The following PALM2AKAP2 variants were observed in gnomAD, a reference collection of about 807,000 sequenced individuals.
PALM2AKAP2 encodes the protein PALM2 and AKAP2 fusion.
PALM2AKAP2 carries 37 observed loss-of-function variants against 71.5 expected under a neutral mutation model. The ratio of observed to expected loss-of-function variants is 0.52; its 90% confidence interval spans 0.40 to 0.68. PALM2AKAP2 has a LOEUF of 0.68. PALM2AKAP2 is among the 30% of genes least tolerant of loss of function. The probability of loss-of-function intolerance (pLI) is 0.00; values close to 1 mark genes in which losing one functional copy is unlikely to be tolerated. For synonymous variants in PALM2AKAP2, 468 were observed against 478.8 expected, an observed-to-expected ratio of 0.98 and a Z score of 0.29; for missense variants, 1,224 against 1,191.8, an observed-to-expected ratio of 1.03 and a Z score of -0.40.
chr9:109,865,809 A>G (rs1490952842), intron 1 of PALM2AKAP2, among the ~76,000 whole-genome samples: 3 of 152,112 alleles, frequency 2.0e-5, no homozygotes, highest in Admixed American at 6.6e-5. Context: ...CAGTAAGTCT[A>G]CTCTTGAGAG....
At chr9:109,860,883 G>A (rs1829288823) in intron 1 of PALM2AKAP2, among the ~76,000 whole-genome samples, 1 of 152,104 alleles carries the variant, frequency 6.6e-6, no homozygotes. Flanking sequence ...AAAGGTTTGG[G>A]GCAAGGAAAC....
At chr9:109,917,146 T>A (rs1179822182) in intron 3 of PALM2AKAP2, among the ~76,000 whole-genome samples, 1 of 152,116 alleles carries the variant, frequency 6.6e-6, no homozygotes, top group Non-Finnish European at 1.5e-5. Flanking sequence ...GTCAGAGAGA[T>A]GCAACAGTGC....
chr9:109,803,690 G>A (rs1192907588), intron 1 of PALM2AKAP2, among the ~76,000 whole-genome samples: 3 of 152,160 alleles, frequency 2.0e-5, no homozygotes, highest in South Asian at 4.1e-4. Context: ...AAGCAAGTTA[G>A]CATCAACACA....
At chr9:109,919,842 G>A (rs1019846586) in intron 3 of PALM2AKAP2, among the ~76,000 whole-genome samples, 3 of 151,386 alleles carry the variant, frequency 2.0e-5, no homozygotes, top group Non-Finnish European at 2.9e-5. Flanking sequence ...TAACTAACAC[G>A]CCCTCAAATT....
At chr9:109,833,148 A>G (rs1028839729) in intron 1 of PALM2AKAP2, among the ~76,000 whole-genome samples, 1 of 152,160 alleles carries the variant, frequency 6.6e-6, no homozygotes, top group African/African-American at 2.4e-5. Context: ...CGAGGTCAGG[A>G]GTTTGAGACC....
At chr9:109,884,427 A>G (rs759621851) in intron 3 of PALM2AKAP2, among the ~76,000 whole-genome samples, 7 of 152,198 alleles carry the variant, frequency 4.6e-5, no homozygotes, top group African/African-American at 7.2e-5. Context: ...ATGCCACTGC[A>G]CTCCAGCCTG....
chr9:109,941,460 G>T (rs1223881324), intron 6 of PALM2AKAP2, among the ~76,000 whole-genome samples: 5 of 152,210 alleles, frequency 3.3e-5, no homozygotes, highest in Admixed American at 6.5e-5. Context: ...AGGAAGAAAA[G>T]AACAAGTCAG....
At chr9:110,171,697 G>A (rs62578884) in exon 4 of PALM2AKAP2, 10,299 of 152,466 alleles carry the variant, frequency 0.068, 428 homozygotes, top group Middle Eastern at 0.11. Context: ...AGAGGCTTAC[G>A]AAAAACTTTG....
At chr9:109,698,153 AC>A (rs1263312107) in intron 1 of PALM2AKAP2, among the ~76,000 whole-genome samples, 1 of 151,868 alleles carries the variant, frequency 6.6e-6, no homozygotes, top group East Asian at 1.9e-4. Context: ...TATACAAAAA[AC>A]CTTTTTGCAG....
intron 2 of PALM2AKAP2, among the ~76,000 whole-genome samples, chr9:109,868,209 C>G (rs938898857): frequency 2.2e-4 from 33 of 152,180 alleles, no homozygotes; most frequent in African/African-American, 7.7e-4. Context: ...AGACAGCACA[C>G]AAGAGCTGTT....
upstream of PALM2AKAP2, among the ~76,000 whole-genome samples, chr9:110,045,899 G>GGTCTT (rs1321099246): frequency 6.6e-6 from 1 of 152,124 alleles, no homozygotes; most frequent in African/African-American, 2.4e-5. Flanking sequence ...CACTATCTGT[G>GGTCTT]GTCTTTAGTA....
chr9:109,878,827 C>T (rs1379074955), intron 2 of PALM2AKAP2, among the ~76,000 whole-genome samples: 4 of 152,116 alleles, frequency 2.6e-5, no homozygotes, highest in Non-Finnish European at 4.4e-5. Context: ...AACCTCTGCC[C>T]CCCAGGTTCT....
intron 7 of PALM2AKAP2, among the ~76,000 whole-genome samples, chr9:110,028,794 C>T (rs1430385971): frequency 6.6e-6 from 1 of 151,986 alleles, no homozygotes; most frequent in African/African-American, 2.4e-5. Flanking sequence ...TTGTTGTTTA[C>T]CTAAAATTCA....
intron 1 of PALM2AKAP2, among the ~76,000 whole-genome samples, chr9:109,671,354 A>G (rs371484565): frequency 6.6e-6 from 1 of 152,184 alleles, no homozygotes; most frequent in Non-Finnish European, 1.5e-5. Flanking sequence ...CATTTATTGA[A>G]TAGAGATTTC....
chr9:109,652,058 C>G (rs557911676), intron 1 of PALM2AKAP2, among the ~76,000 whole-genome samples: 6 of 152,252 alleles, frequency 3.9e-5, no homozygotes, highest in Admixed American at 3.3e-4. Context: ...TCTATACCAT[C>G]ATGTGTAATC....
intron 6 of PALM2AKAP2, among the ~76,000 whole-genome samples, chr9:109,979,531 A>G (rs1209630695): frequency 9.9e-5 from 15 of 152,176 alleles, no homozygotes; most frequent in Non-Finnish European, 2.1e-4. Context: ...TCATCTTTGT[A>G]CTTTCCATAT....
intron 1 of PALM2AKAP2, among the ~76,000 whole-genome samples, chr9:110,131,451 C>T (rs1199615562): frequency 6.6e-6 from 1 of 152,212 alleles, no homozygotes; most frequent in Non-Finnish European, 1.5e-5. Flanking sequence ...TCTGGAATCA[C>T]GTTCGCCTAA....
chr9:110,085,029 C>T (rs1275155920), intron 1 of PALM2AKAP2, among the ~76,000 whole-genome samples: 2 of 152,020 alleles, frequency 1.3e-5, no homozygotes, highest in Non-Finnish European at 2.9e-5. Context: ...CGTGAGCCAC[C>T]GCGCCCGGCC....
chr9:109,849,423 T>G (rs913677447), intron 1 of PALM2AKAP2, among the ~76,000 whole-genome samples: 1 of 152,152 alleles, frequency 6.6e-6, no homozygotes, highest in African/African-American at 2.4e-5. Flanking sequence ...GCATTTTTCT[T>G]TCACAAGTTG....
Sources: allele counts gnomAD v4.1 joint callset (sites outside exome capture counted in the v4.1 genomes callset), GRCh38; gene constraint gnomAD v4.1.1; transcripts MANE v1.5; gene names NCBI Gene and HGNC (gene_info 2026-07-23, HGNC 2026-07-21).